The following BHMT2 variants were observed in gnomAD, a reference collection of about 807,000 sequenced individuals.
BHMT2 encodes the protein S-methylmethionine--homocysteine S-methyltransferase BHMT2.
A neutral mutation model predicts 39.0 loss-of-function variants in BHMT2; 28 were observed. The observed-to-expected ratio is 0.72, with a 90% CI of 0.53 to 0.98. BHMT2 has a LOEUF of 0.98. BHMT2 is among the 50% of genes least tolerant of loss of function. The pLI, the probability that BHMT2 is intolerant of heterozygous loss-of-function variation, is 0.00. For missense variants in BHMT2, 410 were observed against 455.6 expected (o/e 0.90, Z 0.91); for synonymous variants, 145 against 160.6 (o/e 0.90, Z 0.74).
In BHMT2 at chr5:79,079,376, A is replaced by G. The variant is rs774337484; in HGVS notation, c.174A>G (p.Gln58=). 3.7e-5 allele frequency: 60 copies of G among 1,612,068 alleles called. No individual in the cohort carries two copies. Among genetic ancestry groups the G allele is most frequent in the Non-Finnish European group, 2.5e-5 (29 of 1,178,634 alleles). ...AVIEHPDAVR[Q]LHMEFLRAGS... is the part of the protein sequence containing the mutation. ...AACCCAACTACTTTGTAGTTCGTCA[A>G]CTTCACATGGAATTCTTGAGAGCAG... Residue 58 remains glutamine, a synonymous_variant, in exon 3 of 8, where the codon CAA becomes CAG. Coordinates refer to ENST00000255192, the MANE Select transcript of BHMT2 (RefSeq NM_017614.5).
intron 1 of BHMT2, among the ~76,000 whole-genome samples, chr5:79,076,704 C>G (rs890200277): frequency 6.6e-6 from 1 of 152,224 alleles, no homozygotes; most frequent in Non-Finnish European, 1.5e-5. Flanking sequence ...TCCTGCCTCA[C>G]TGGCAGAGTT....
At chr5:79,079,997 G>A (rs1480129762) in intron 3 of BHMT2, among the ~76,000 whole-genome samples, 1 of 152,234 alleles carries the variant, frequency 6.6e-6, no homozygotes, top group Admixed American at 6.5e-5. Context: ...GAAGGGCATG[G>A]CTGTCTTCTT....
chr5:79,085,882 T>TG (rs1755883192), intron 7 of BHMT2, among the ~76,000 whole-genome samples: 1 of 152,104 alleles, frequency 6.6e-6, no homozygotes, highest in Admixed American at 6.6e-5. Flanking sequence ...CTTCCCATCT[T>TG]GCTACCATGG....
Position 79,079,330 on chromosome 5 carries a change from T to C in BHMT2, c.167-39T>C, listed in dbSNP as rs748494278. The C allele has an allele frequency of 4.3e-6, 6 of 1,399,620 alleles. No individual in the cohort carries two copies. The Admixed American group carries it at 1.1e-4, about 25-fold the overall frequency. 86.7% of individuals were successfully genotyped at this position (1,399,620 alleles called of 1,614,324 possible). On this transcript the variant is annotated intron_variant, in intron 2 of 7. Coordinates refer to ENST00000255192, the MANE Select transcript of BHMT2 (RefSeq NM_017614.5). ...TGATAGCTTCTGTAATATTTCTTTA[T>C]TCATTTATTTCAATGTTTAAAACCC...
intron 1 of BHMT2, among the ~76,000 whole-genome samples, chr5:79,074,655 G>A (rs1189754832): frequency 6.6e-6 from 1 of 152,180 alleles, no homozygotes; most frequent in Non-Finnish European, 1.5e-5. Flanking sequence ...ACTTTGTGTG[G>A]GGAGTAAGCA....
chr5:79,088,672 G>A lies in BHMT2; in HGVS notation c.*98G>A. The A allele has an allele frequency of 1.1e-6, 1 of 891,452 alleles. No homozygotes were observed. The highest frequency in any genetic ancestry group is 1.8e-6 in the Non-Finnish European group (1 of 565,528). The allele number at this position is 891,452 out of a possible 1,614,324, so 55.2% of individuals were successfully genotyped here. On this transcript the variant is annotated 3_prime_UTR_variant, in exon 8 of 8. Coordinates refer to ENST00000255192, the MANE Select transcript of BHMT2 (RefSeq NM_017614.5). ...CTCACCTTCATCCTCACCATGCCCT[G>A]CTATCTCCAGCTGCTGAGCAGCTGA... is the stretch of plus-strand genomic sequence containing the variant.
chr5:79,087,237 G>A (rs1755919200), intron 7 of BHMT2, among the ~76,000 whole-genome samples: 1 of 151,492 alleles, frequency 6.6e-6, no homozygotes. Context: ...ATTTACTTAG[G>A]TTGTAAAAGT....
At chr5:79,085,667 G>A (rs1755880203) in intron 7 of BHMT2, among the ~76,000 whole-genome samples, 1 of 152,116 alleles carries the variant, frequency 6.6e-6, no homozygotes, top group African/African-American at 2.4e-5. Context: ...GGGCAATAGA[G>A]CGAAACTCCA....
chr5:79,080,678 TA>T lies in BHMT2; in HGVS notation c.259-7del. 6.3e-7 allele frequency: 1 copy of T among 1,576,570 alleles called. No individual in the cohort carries two copies. Among genetic ancestry groups the T allele is most frequent in the Non-Finnish European group, 8.6e-7 (1 of 1,169,070 alleles). On this transcript the variant is annotated splice_region_variant and splice_polypyrimidine_tract_variant and intron_variant, in intron 3 of 7. Transcript: ENST00000255192. ...GCTCACTATCTGAACTCTTGCTCTC[TA>T]ACCTCAGTGGGAAGATGTAAATGCT...
rs1755741031 is a variant in BHMT2, at chr5:79,079,420, C to A, written c.218C>A (p.Thr73Asn). 6.2e-7 allele frequency: 1 copy of A among 1,613,984 alleles called. No individual in the cohort carries two copies. The highest frequency in any genetic ancestry group is 8.5e-7 in the Non-Finnish European group (1 of 1,179,916). The change falls in exon 3 of 8, where the codon ACT becomes AAT. Residue 73 changes from threonine to asparagine, a missense_variant. Transcript: ENST00000255192. ...AGAGCAGGATCAAATGTCATGCAGA[C>A]TTTTACCTTTTCTGCCAGTGAGGAC... The part of the protein sequence containing the change: ...FLRAGSNVMQ[T>N]FTFSASEDNM...
At chr5:79,080,601 C>G (rs1052138406) in intron 3 of BHMT2, 86 bp from the exon 4 acceptor site, 1 of 1,269,358 alleles carries the variant, frequency 7.9e-7, no homozygotes, top group East Asian at 2.5e-5. Context: ...ACTCATCTTA[C>G]TTGTTTATTG....
intron 4 of BHMT2, 122 bp from the exon 5 acceptor site, chr5:79,082,687 T>A: frequency 8.4e-7 from 1 of 1,187,370 alleles, no homozygotes; most frequent in Non-Finnish European, 1.2e-6. Flanking sequence ...CCTTAGCAAG[T>A]TTTATTATGC....
intron 1 of BHMT2, among the ~76,000 whole-genome samples, chr5:79,077,039 C>T (rs974255732): frequency 6.6e-6 from 1 of 152,186 alleles, no homozygotes; most frequent in Non-Finnish European, 1.5e-5. Context: ...CACCAGCTTC[C>T]GTATGTGTCT....
intron 1 of BHMT2, among the ~76,000 whole-genome samples, chr5:79,073,360 G>A (rs1755616168): frequency 6.6e-6 from 1 of 152,128 alleles, no homozygotes; most frequent in Non-Finnish European, 1.5e-5. Flanking sequence ...TTTCTCTTCT[G>A]TATTCCTGTG....
At position 79,083,233 on chromosome 5, in the gene BHMT2, A is replaced by G; in HGVS notation, c.640A>G (p.Thr214Ala). 6.2e-7 allele frequency: 1 copy of G among 1,614,140 alleles called. No homozygotes were observed. The highest frequency in any genetic ancestry group is 1.1e-5 in the South Asian group (1 of 91,082). ...VGVNCRFGPDTSLKTMELMKE... is the reference protein window; with the variant it reads ...VGVNCRFGPDASLKTMELMKE... ...CGTGAACTGCCGCTTTGGGCCCGAC[A>G]CCAGCTTGAAGACGATGGAGCTCAT... The change falls in exon 6 of 8, where the codon ACC (threonine) becomes GCC (alanine). Residue 214 changes from threonine (T) to alanine (A), a missense_variant. Coordinates refer to ENST00000255192, the MANE Select transcript of BHMT2 (RefSeq NM_017614.5).
At chr5:79,084,561 G>A (rs1398077687) in intron 7 of BHMT2, among the ~76,000 whole-genome samples, 1 of 152,028 alleles carries the variant, frequency 6.6e-6, no homozygotes, top group Non-Finnish European at 1.5e-5. Flanking sequence ...TTTTCTAAGG[G>A]CACTAGTCCC....
chr5:79,082,720 A>C (rs116752727), intron 4 of BHMT2, 89 bp from the exon 5 acceptor site: 12 of 1,463,144 alleles, frequency 8.2e-6, no homozygotes. Flanking sequence ...TCTATTTGGT[A>C]ATTTTTATAA....
At position 79,075,569 on chromosome 5, in the gene BHMT2, G is replaced by A. The variant is rs115315814; in HGVS notation, c.34-1911G>A. Reference sequence around the variant, plus strand: ...GCTATGGGCAGGCCTGAAATGAACTGGCCTATTATCAATAAAAGGTTGCAT... The same window carrying A: ...GCTATGGGCAGGCCTGAAATGAACTAGCCTATTATCAATAAAAGGTTGCAT... On this transcript the variant is annotated intron_variant, in intron 1 of 7. Coordinates refer to ENST00000255192, the MANE Select transcript of BHMT2 (RefSeq NM_017614.5). Among the ~76,000 whole-genome samples, 1,063 of 152,232 alleles carry A rather than the reference G, an allele frequency of 7.0e-3. 10 individuals carry two copies. Among genetic ancestry groups the A allele is most frequent in the African/African-American group, 0.024 (992 of 41,540 alleles).
intron 7 of BHMT2, among the ~76,000 whole-genome samples, chr5:79,085,501 C>G (rs1049332948): frequency 1.3e-5 from 2 of 152,126 alleles, no homozygotes; most frequent in Non-Finnish European, 2.9e-5. Context: ...GCCAACATGG[C>G]AAAACTTCAT....
Sources: allele counts gnomAD v4.1 joint callset (sites outside exome capture counted in the v4.1 genomes callset), GRCh38; gene constraint gnomAD v4.1.1; transcripts MANE v1.5; gene names NCBI Gene and HGNC (gene_info 2026-07-23, HGNC 2026-07-21).